ADGRB3: variants seen among roughly 807,000 people sequenced by gnomAD.
ADGRB3 encodes the protein brain-specific angiogenesis inhibitor 3.
Under a neutral mutation model 193.4 loss-of-function variants are expected in ADGRB3, and 37 were observed. The ratio of observed to expected loss-of-function variants is 0.19; its 90% confidence interval spans 0.15 to 0.25. ADGRB3 has a LOEUF of 0.25. Ranked by LOEUF, ADGRB3 falls within the 10% of genes least tolerant of loss-of-function variation. ADGRB3 has a pLI of 1.00. For missense variants in ADGRB3, 1,637 were observed against 1,852.9 expected (o/e 0.88, Z 2.14); for synonymous variants, 690 against 644.2 (o/e 1.07, Z -1.08).
chr6:69,062,265 G>A (rs1435726790), intron 15 of ADGRB3, among the ~76,000 whole-genome samples: 1 of 151,490 alleles, frequency 6.6e-6, no homozygotes, highest in African/African-American at 2.4e-5. Flanking sequence ...ATAATTTCTT[G>A]TAAACTATAG....
intron 3 of ADGRB3, among the ~76,000 whole-genome samples, chr6:68,752,034 GA>G (rs1404290741): frequency 1.3e-5 from 2 of 151,856 alleles, no homozygotes; most frequent in East Asian, 1.9e-4. Context: ...TACTGTGGGG[GA>G]AAAAAGGCAT....
intron 3 of ADGRB3, among the ~76,000 whole-genome samples, chr6:68,730,365 C>A (rs138019485): frequency 0.024 from 3,609 of 151,484 alleles, 147 homozygotes; most frequent in African/African-American, 0.08. Flanking sequence ...ATTCTCAGTG[C>A]TATACAGAAT....
At chr6:68,695,083 G>C (rs1196678818) in intron 3 of ADGRB3, among the ~76,000 whole-genome samples, 2 of 152,030 alleles carry the variant, frequency 1.3e-5, no homozygotes, top group Admixed American at 1.3e-4. Context: ...TGGCTAATGT[G>C]ACTGAGAGAG....
intron 15 of ADGRB3, among the ~76,000 whole-genome samples, chr6:69,060,444 C>A (rs980098426): frequency 2.0e-5 from 3 of 152,080 alleles, no homozygotes; most frequent in Non-Finnish European, 2.9e-5. Context: ...CATTCCCAAA[C>A]ACACAGGGAG....
intron 20 of ADGRB3, among the ~76,000 whole-genome samples, chr6:69,249,411 T>G (rs1378566321): frequency 6.6e-6 from 1 of 152,174 alleles, no homozygotes; most frequent in Non-Finnish European, 1.5e-5. Flanking sequence ...ATTTTATAAA[T>G]TGAAGAAGTT....
rs556072889 is a variant in ADGRB3, at chr6:69,254,876, G to T, written c.2814+15650G>T. 3.2e-4 allele frequency among the ~76,000 whole-genome samples: 34 copies of T among 105,856 alleles called. No individual in the cohort carries two copies. The East Asian group carries it at 8.9e-3, about 28-fold the overall frequency. 69.4% of individuals were successfully genotyped at this position (105,856 alleles called of 152,430 possible). On this transcript the variant is annotated intron_variant, in intron 20 of 31. Transcript: ENST00000370598. ...TCCCCCCTCCCCCCACCCCACAACA[G>T]TCCCCAGAGTGTGATGTTCCCCTTC... is the stretch of plus-strand genomic sequence containing the variant.
intron 17 of ADGRB3, among the ~76,000 whole-genome samples, chr6:69,198,608 A>G (rs539412220): frequency 4.0e-4 from 61 of 152,212 alleles, no homozygotes; most frequent in African/African-American, 1.4e-3. Flanking sequence ...GCTGTGAGAC[A>G]GGAATAAATT....
chr6:69,004,984 G>A (rs1769704318), intron 11 of ADGRB3, among the ~76,000 whole-genome samples: 1 of 151,962 alleles, frequency 6.6e-6, no homozygotes, highest in African/African-American at 2.4e-5. Context: ...CTCACATGGT[G>A]GCCCTTAAGT....
At chr6:69,318,116 T>C (rs756768484) in intron 20 of ADGRB3, among the ~76,000 whole-genome samples, 1 of 151,384 alleles carries the variant, frequency 6.6e-6, no homozygotes, top group Non-Finnish European at 1.5e-5. Context: ...TTGTACAACT[T>C]AGAATAATAG....
intron 20 of ADGRB3, among the ~76,000 whole-genome samples, chr6:69,312,195 G>A (rs145851306): frequency 6.6e-6 from 1 of 151,778 alleles, no homozygotes; most frequent in East Asian, 2.0e-4. Context: ...GGAGAAGTGA[G>A]TGGAGTTTCT....
intron 17 of ADGRB3, among the ~76,000 whole-genome samples, chr6:69,121,632 G>T (rs563280979): frequency 6.7e-6 from 1 of 150,062 alleles, no homozygotes; most frequent in Non-Finnish European, 1.5e-5. Context: ...ATGGGGCAGC[G>T]GGACAGAGGC....
chr6:68,768,078 A>G lies in ADGRB3; in HGVS notation c.757+128646A>G, dbSNP rs575629096. On this transcript the variant is annotated intron_variant, in intron 3 of 31. Coordinates refer to ENST00000370598, the MANE Select transcript of ADGRB3 (RefSeq NM_001704.3). Reference sequence around the variant, plus strand: ...TGGAAAAAACATTCTATTCTCATGCATAGGAAGAATCAATGTTGTGAAAGT... The same window carrying G: ...TGGAAAAAACATTCTATTCTCATGCGTAGGAAGAATCAATGTTGTGAAAGT... Among the ~76,000 whole-genome samples, 108 of 152,262 alleles carry G rather than the reference A, an allele frequency of 7.1e-4. 2 individuals carry two copies. The highest frequency in any genetic ancestry group is 1.4e-3 in the Non-Finnish European group (97 of 68,004).
At chr6:69,382,076 C>CT (rs1298729261) in intron 30 of ADGRB3, among the ~76,000 whole-genome samples, 2 of 151,850 alleles carry the variant, frequency 1.3e-5, no homozygotes, top group Non-Finnish European at 2.9e-5. Context: ...TTTTATTTGA[C>CT]TCCATTTGTT....
chr6:68,818,942 T>A (rs1319705209), intron 3 of ADGRB3, among the ~76,000 whole-genome samples: 1 of 64,390 alleles, frequency 1.6e-5, no homozygotes, highest in Non-Finnish European at 2.9e-5. Flanking sequence ...CATGTTTCAC[T>A]GTGTAACATT....
intron 3 of ADGRB3, among the ~76,000 whole-genome samples, chr6:68,913,946 A>G (rs1252462240): frequency 6.6e-6 from 1 of 151,512 alleles, no homozygotes; most frequent in Non-Finnish European, 1.5e-5. Flanking sequence ...GGTATCAGTG[A>G]TGGAAGATGA....
chr6:68,855,573 A>T (rs1441987324), intron 3 of ADGRB3, among the ~76,000 whole-genome samples: 1 of 152,058 alleles, frequency 6.6e-6, no homozygotes, highest in Admixed American at 6.6e-5. Flanking sequence ...ATATTTTAAT[A>T]CCTCACTTTG....
At chr6:68,766,755 A>G (rs1440232466) in intron 3 of ADGRB3, among the ~76,000 whole-genome samples, 1 of 151,994 alleles carries the variant, frequency 6.6e-6, no homozygotes, top group Non-Finnish European at 1.5e-5. Context: ...ACTTGAATAA[A>G]CTTCAAAAGC....
At chr6:68,771,882 C>T (rs1476547531) in intron 3 of ADGRB3, among the ~76,000 whole-genome samples, 1 of 151,968 alleles carries the variant, frequency 6.6e-6, no homozygotes, top group East Asian at 1.9e-4. Context: ...GGTGGTTTTC[C>T]AGGTTCAATT....
intron 3 of ADGRB3, among the ~76,000 whole-genome samples, chr6:68,817,064 A>T (rs945886765): frequency 9.9e-5 from 15 of 151,572 alleles, no homozygotes; most frequent in Non-Finnish European, 2.1e-4. Flanking sequence ...TCCCTGCTAG[A>T]CCAAAATTCC....
Sources: allele counts gnomAD v4.1 joint callset (sites outside exome capture counted in the v4.1 genomes callset), GRCh38; gene constraint gnomAD v4.1.1; transcripts MANE v1.5; gene names NCBI Gene and HGNC (gene_info 2026-07-23, HGNC 2026-07-21).